Variants in ADGRF1 observed in about 807,000 individuals in gnomAD.
ADGRF1 encodes the protein adhesion G protein-coupled receptor F1.
A neutral mutation model predicts 87.2 loss-of-function variants in ADGRF1; 85 were observed. That is an observed-to-expected ratio of 0.97 (90% CI 0.82 to 1.17). The LOEUF (loss-of-function observed/expected upper bound fraction) is 1.17. Ranked by LOEUF, ADGRF1 falls within the 50% of genes most tolerant of loss-of-function variation. The pLI, the probability that ADGRF1 is intolerant of heterozygous loss-of-function variation, is 0.00. For synonymous variants in ADGRF1, 430 were observed against 408.8 expected, an observed-to-expected ratio of 1.05 and a Z score of -0.63; for missense variants, 1,169 against 1,077.2, an observed-to-expected ratio of 1.09 and a Z score of -1.19.
rs539723164 is a variant in ADGRF1 at position 47,018,710 on chromosome 6, A to G, written c.612-1942T>C. The G allele has an allele frequency of 9.3e-4, 493 of 532,962 alleles. 1 individual carries two copies. The highest frequency in any genetic ancestry group is 7.7e-3 in the African/African-American group (390 of 50,632). 33.0% of individuals were successfully genotyped at this position (532,962 alleles called of 1,614,324 possible). On this transcript the variant is annotated intron_variant, in intron 7 of 14. Transcript: ENST00000371253. ...GTGGGTCATTTGAGGCCAGGAGTTC[A>G]AGACCAGACTGGTCAACATGGTGAA...
At chr6:47,019,630 G>T in intron 7 of ADGRF1, 1 of 421,044 alleles carries the variant, frequency 2.4e-6, no homozygotes, top group Non-Finnish European at 3.2e-6. Context: ...GTTGCAGTGA[G>T]CCGAGATCGT....
intron 1 of ADGRF1, among the ~76,000 whole-genome samples, chr6:47,034,125 A>C (rs1338523814): frequency 1.3e-5 from 2 of 152,216 alleles, no homozygotes; most frequent in East Asian, 3.8e-4. Context: ...CTCTTCCGTG[A>C]GGATTTGTGA....
intron 11 of ADGRF1, among the ~76,000 whole-genome samples, chr6:47,008,659 A>C (rs1343783776): frequency 6.6e-6 from 1 of 152,238 alleles, no homozygotes; most frequent in Non-Finnish European, 1.5e-5. Context: ...GTTCTGCCTA[A>C]GAGAAAGAGA....
chr6:47,015,821 C>T (rs1198317615), intron 8 of ADGRF1, among the ~76,000 whole-genome samples: 1 of 151,172 alleles, frequency 6.6e-6, no homozygotes, highest in African/African-American at 2.4e-5. Flanking sequence ...TGGTCTCAAA[C>T]TTCTGATCTC....
intron 2 of ADGRF1, 41 bp from the exon 3 acceptor site, chr6:47,027,802 G>A (rs753492234): frequency 8.5e-7 from 1 of 1,176,500 alleles, no homozygotes; most frequent in Admixed American, 1.7e-5. Flanking sequence ...AGACTTTGAA[G>A]AGTTGTGCTT....
chr6:47,014,392 C>T, intron 9 of ADGRF1: 4 of 1,088,050 alleles, frequency 3.7e-6, no homozygotes, highest in Admixed American at 4.9e-5. Flanking sequence ...AGTTGCTGCT[C>T]TACCATCCAT....
chr6:47,020,705 C>T, intron 7 of ADGRF1, 26 bp downstream of exon 7: 6 of 1,610,988 alleles, frequency 3.7e-6, no homozygotes, highest in Non-Finnish European at 4.2e-6. Context: ...CTGGGGATGC[C>T]CTTCTAAGAC....
Position 47,014,733 on chromosome 6 carries a change from C to T in ADGRF1, c.875G>A (p.Trp292Ter), listed in dbSNP as rs774936632. The T allele has an allele frequency of 3.1e-6, 5 of 1,613,922 alleles. No individual in the cohort carries two copies. The highest frequency in any genetic ancestry group is 4.2e-6 in the Non-Finnish European group (5 of 1,179,958). The change falls in exon 9 of 15, where the codon TGG becomes TAG. Residue 292 changes from tryptophan to a stop codon, truncating the protein, a stop_gained. Coordinates refer to ENST00000371253, the MANE Select transcript of ADGRF1 (RefSeq NM_153840.4). LOFTEE classifies it high-confidence loss of function. ...NITAKCESSGWQVIRETCVLS... is the reference protein window; with the variant it reads ...NITAKCESSG ...CACACAAGTCTCCCTGATGACCTGC[C>T]ACCCAGAGGACTCACACTTGGCTGT...
chr6:47,041,471 A>G (rs1266895931), intron 1 of ADGRF1, among the ~76,000 whole-genome samples: 2 of 152,112 alleles, frequency 1.3e-5, no homozygotes, highest in South Asian at 4.1e-4. Context: ...TTTTTCCTTC[A>G]TGTAGTCTCT....
chr6:47,019,314 T>G, intron 7 of ADGRF1: 1 of 981,672 alleles, frequency 1.0e-6, no homozygotes, highest in Non-Finnish European at 1.2e-6. Context: ...GTATTGAATT[T>G]TAAAGAAAAC....
At chr6:47,030,206 T>C (rs187346565) in intron 1 of ADGRF1, among the ~76,000 whole-genome samples, 1 of 152,302 alleles carries the variant, frequency 6.6e-6, no homozygotes. Context: ...AGAACTACCA[T>C]AGAGGTGGCC....
At chr6:47,007,346 A>T in intron 11 of ADGRF1, 52 bp from the exon 12 acceptor site, 1 of 1,159,904 alleles carries the variant, frequency 8.6e-7, no homozygotes, top group Non-Finnish European at 1.3e-6. Context: ...TTTTCCAAAA[A>T]AGAAAGCATT....
intron 8 of ADGRF1, among the ~76,000 whole-genome samples, chr6:47,015,732 T>A (rs561443257): frequency 6.6e-6 from 1 of 150,870 alleles, no homozygotes; most frequent in South Asian, 2.1e-4. Context: ...GGATTACAGG[T>A]GTGTGCCACC....
At chr6:47,034,254 T>A (rs1780521708) in intron 1 of ADGRF1, among the ~76,000 whole-genome samples, 1 of 152,226 alleles carries the variant, frequency 6.6e-6, no homozygotes, top group South Asian at 2.1e-4. Flanking sequence ...ACATTCTATT[T>A]GTAGATTACT....
intron 9 of ADGRF1, chr6:47,014,464 CTCTG>C: frequency 7.8e-7 from 1 of 1,283,386 alleles, no homozygotes; most frequent in South Asian, 2.2e-5. Flanking sequence ...AAACTATCAA[CTCTG>C]TCTTTTGAGC....
intron 14 of ADGRF1, among the ~76,000 whole-genome samples, chr6:47,000,574 C>T (rs1279876804): frequency 6.6e-6 from 1 of 152,052 alleles, no homozygotes; most frequent in Non-Finnish European, 1.5e-5. Flanking sequence ...TATGTTATTG[C>T]TGGAAGAATC....
At chr6:47,029,230 A>G (rs964491695) in intron 1 of ADGRF1, 126 bp from the exon 2 acceptor site, 1 of 596,648 alleles carries the variant, frequency 1.7e-6, no homozygotes, top group Non-Finnish European at 3.0e-6. Flanking sequence ...TTATGTTTCC[A>G]CTCCACGGAA....
Position 47,018,393 on chromosome 6 carries a change from G to T in ADGRF1, c.612-1625C>A, listed in dbSNP as rs143182768. 13 of 1,272,052 alleles carry T rather than the reference G, an allele frequency of 1.0e-5. No individual in the cohort carries two copies. The Middle Eastern group carries it at 7.5e-4, about 73-fold the overall frequency. 78.8% of individuals were successfully genotyped at this position (1,272,052 alleles called of 1,614,324 possible). On this transcript the variant is annotated intron_variant, in intron 7 of 14. Transcript: ENST00000371253. ...TAATTACTAATTGATCGGAAGTTCCGCAGCTCAAATTCTTACTACATTGAA... is the reference window on the plus strand; with the variant it reads ...TAATTACTAATTGATCGGAAGTTCCTCAGCTCAAATTCTTACTACATTGAA...
rs529803734 is a variant in ADGRF1 at position 47,026,558 on chromosome 6, C to T, written c.128-555G>A. Among the ~76,000 whole-genome samples the T allele has an allele frequency of 1.2e-4, 18 of 152,192 alleles. No individual in the cohort carries two copies. In the South Asian group the frequency reaches 3.7e-3, roughly 32 times the overall value. On this transcript the variant is annotated intron_variant, in intron 3 of 14. Transcript: ENST00000371253. Reference sequence around the variant, plus strand: ...TTGAGGCTTGATGCACCCTCACCTCCAGCTCATCATTTCTGCACAGCACCT... The same window carrying T: ...TTGAGGCTTGATGCACCCTCACCTCTAGCTCATCATTTCTGCACAGCACCT...
Sources: gnomAD v4.1 joint callset for allele counts (sites outside exome capture counted in the v4.1 genomes callset) on GRCh38, gnomAD v4.1.1 for gene constraint, MANE v1.5 for transcripts, NCBI Gene and HGNC (gene_info 2026-07-23, HGNC 2026-07-21) for gene names.